The following CNTNAP2 variants were observed in gnomAD, a reference collection of about 807,000 sequenced individuals.
The protein encoded by CNTNAP2 is contactin associated protein 2.
In CNTNAP2, 98 loss-of-function variants were observed where a neutral mutation model predicts 155.2. The ratio of observed to expected loss-of-function variants is 0.63; its 90% confidence interval spans 0.54 to 0.75. CNTNAP2 has a LOEUF of 0.75. Among genes scored for constraint, CNTNAP2 ranks in the 30% least tolerant of loss-of-function variants. CNTNAP2 has a pLI of 0.00. For missense variants in CNTNAP2, 1,727 were observed against 1,688.1 expected, an observed-to-expected ratio of 1.02 and a Z score of -0.40; for synonymous variants, 651 against 631.2, an observed-to-expected ratio of 1.03 and a Z score of -0.47.
intron 1 of CNTNAP2, among the ~76,000 whole-genome samples, chr7:146,700,476 T>G (rs1334659950): frequency 6.6e-6 from 1 of 152,158 alleles, no homozygotes; most frequent in Non-Finnish European, 1.5e-5. Context: ...CTAGATAACT[T>G]CAGTAATCTG....
chr7:147,366,807 ACACACC>A (rs146998008), intron 9 of CNTNAP2, among the ~76,000 whole-genome samples: 5,461 of 107,484 alleles, frequency 0.051, 119 homozygotes, highest in Non-Finnish European at 0.072. Context: ...ACACACACAC[ACACACC>A]CCAATGTTTA....
At chr7:147,614,436 TC>T (rs1456220006) in intron 12 of CNTNAP2, among the ~76,000 whole-genome samples, 1 of 152,204 alleles carries the variant, frequency 6.6e-6, no homozygotes, top group Non-Finnish European at 1.5e-5. Context: ...TTTTATTACA[TC>T]ATAAATTCTA....
chr7:148,160,338 G>A (rs886123402), intron 17 of CNTNAP2, among the ~76,000 whole-genome samples: 2 of 151,764 alleles, frequency 1.3e-5, no homozygotes, highest in African/African-American at 4.8e-5. Context: ...TTGAACCCAG[G>A]AGGTCATAGC....
chr7:146,936,251 A>G (rs2129224371), intron 3 of CNTNAP2, among the ~76,000 whole-genome samples: 1 of 152,280 alleles, frequency 6.6e-6, no homozygotes. Flanking sequence ...CAACAGAAGA[A>G]ACTGTATAAA....
intron 1 of CNTNAP2, among the ~76,000 whole-genome samples, chr7:146,659,111 C>A (rs1296099219): frequency 1.3e-5 from 2 of 152,142 alleles, no homozygotes; most frequent in Non-Finnish European, 2.9e-5. Flanking sequence ...ACCCCCAAAC[C>A]TGATGAAATA....
Position 147,490,980 on chromosome 7 carries a change from C to T in CNTNAP2, c.1777+4939C>T, listed in dbSNP as rs138744411. Among the ~76,000 whole-genome samples the T allele has an allele frequency of 1.0e-3, 157 of 152,250 alleles. 1 individual carries two copies. Among genetic ancestry groups the T allele is most frequent in the African/African-American group, 2.8e-3 (118 of 41,534 alleles). ...TCATGAGAATAGCATGGAGGAACTT[C>T]GCCCATGATCCAATCACCTCCCTCC... On this transcript the variant is annotated intron_variant, in intron 11 of 23. Transcript: ENST00000361727.
At chr7:147,480,232 G>A (rs755736445) in intron 10 of CNTNAP2, among the ~76,000 whole-genome samples, 32 of 152,084 alleles carry the variant, frequency 2.1e-4, no homozygotes, top group Non-Finnish European at 4.4e-5. Flanking sequence ...AAATTAAGGA[G>A]GCAATTTATA....
intron 8 of CNTNAP2, among the ~76,000 whole-genome samples, chr7:147,169,490 G>A (rs1402776875): frequency 6.6e-6 from 1 of 152,036 alleles, no homozygotes; most frequent in East Asian, 1.9e-4. Context: ...GTTCATGTGT[G>A]TCCAATGTTT....
chr7:147,821,661 G>A (rs1399896306), intron 13 of CNTNAP2, among the ~76,000 whole-genome samples: 3 of 152,058 alleles, frequency 2.0e-5, no homozygotes, highest in Non-Finnish European at 4.4e-5. Context: ...TTGGGTGTTG[G>A]GGAGGAACCT....
At chr7:148,148,228 A>C (rs761048935) in intron 17 of CNTNAP2, among the ~76,000 whole-genome samples, 2 of 152,192 alleles carry the variant, frequency 1.3e-5, no homozygotes, top group Non-Finnish European at 2.9e-5. Context: ...AGGAAAAAAG[A>C]TCAGTACAAA....
intron 15 of CNTNAP2, among the ~76,000 whole-genome samples, chr7:148,079,012 A>G (rs1325550917): frequency 6.6e-6 from 1 of 152,238 alleles, no homozygotes; most frequent in East Asian, 1.9e-4. Flanking sequence ...TGGTGTCTAC[A>G]TCTTGAATAA....
chr7:146,659,167 T>G (rs1009352790), intron 1 of CNTNAP2, among the ~76,000 whole-genome samples: 5 of 152,136 alleles, frequency 3.3e-5, no homozygotes, highest in Non-Finnish European at 7.3e-5. Context: ...TTATTCTCAG[T>G]GATTAAAGAA....
At chr7:146,712,491 G>T (rs1472221590) in intron 1 of CNTNAP2, among the ~76,000 whole-genome samples, 1 of 142,022 alleles carries the variant, frequency 7.0e-6, no homozygotes, top group Admixed American at 7.1e-5. Flanking sequence ...AGAATAGAAA[G>T]TTTTTTTTTT....
chr7:148,355,508 C>A (rs1761779459), intron 21 of CNTNAP2, among the ~76,000 whole-genome samples: 1 of 152,108 alleles, frequency 6.6e-6, no homozygotes, highest in Non-Finnish European at 1.5e-5. Flanking sequence ...TAATCCCACC[C>A]AGTACATCAC....
intron 15 of CNTNAP2, among the ~76,000 whole-genome samples, chr7:148,022,388 G>T (rs1200458091): frequency 6.6e-6 from 1 of 151,050 alleles, no homozygotes; most frequent in Admixed American, 6.6e-5. Context: ...AGAATTGCTT[G>T]AACCCGGGAG....
At chr7:146,563,236 A>C (rs1409729489) in intron 1 of CNTNAP2, among the ~76,000 whole-genome samples, 1 of 152,182 alleles carries the variant, frequency 6.6e-6, no homozygotes, top group Non-Finnish European at 1.5e-5. Context: ...CAATTCTGCA[A>C]CTATATTCTT....
In CNTNAP2 at chr7:147,500,620, C is replaced by A. The variant is rs563048094; in HGVS notation, c.1777+14579C>A. 3.3e-5 allele frequency among the ~76,000 whole-genome samples: 5 copies of A among 152,190 alleles called. No homozygotes were observed. In the East Asian group the frequency reaches 7.7e-4, roughly 24 times the overall value. ...TAAACTGTAACTGTGTCTGAATGCA[C>A]AAACACACACACATACCCCCAAATA... On this transcript the variant is annotated intron_variant, in intron 11 of 23. Transcript: ENST00000361727.
In CNTNAP2 at chr7:147,075,142, T is replaced by C. The variant is rs74619885; in HGVS notation, c.550+31088T>C. Among the ~76,000 whole-genome samples the C allele has an allele frequency of 7.8e-4, 119 of 152,322 alleles. No homozygotes were observed. In the East Asian group the frequency reaches 0.021, roughly 27 times the overall value. On this transcript the variant is annotated intron_variant, in intron 4 of 23. Coordinates refer to ENST00000361727, the MANE Select transcript of CNTNAP2 (RefSeq NM_014141.6). ...AAGTTTGCTATAGTGAAAAGATTGA[T>C]ACATGGGAATAAAAATTCACTCATG...
intron 1 of CNTNAP2, among the ~76,000 whole-genome samples, chr7:146,231,380 T>C (rs936559720): frequency 6.6e-6 from 1 of 152,152 alleles, no homozygotes; most frequent in Admixed American, 6.5e-5. Context: ...ACTCTACTTC[T>C]GCATCAATCA....
Sources: gnomAD v4.1 joint callset for allele counts (sites outside exome capture counted in the v4.1 genomes callset) on GRCh38, gnomAD v4.1.1 for gene constraint, MANE v1.5 for transcripts, NCBI Gene and HGNC (gene_info 2026-07-23, HGNC 2026-07-21) for gene names.